Variants in ZNF521 observed in about 807,000 individuals in gnomAD.
ZNF521 encodes the protein LYST-interacting protein 3.
In ZNF521, 14 loss-of-function variants were observed where a neutral mutation model predicts 105.5. That is an observed-to-expected ratio of 0.13 (90% CI 0.09 to 0.21). ZNF521 has a LOEUF of 0.21. Ranked by LOEUF, ZNF521 falls within the 10% of genes least tolerant of loss-of-function variation. ZNF521 has a pLI of 1.00. For synonymous variants in ZNF521, 635 were observed against 606.0 expected (o/e 1.05, Z -0.70); for missense variants, 1,233 against 1,629.7 (o/e 0.76, Z 4.19).
At chr18:25,292,531 C>T (rs1600266784) in intron 3 of ZNF521, among the ~76,000 whole-genome samples, 1 of 152,094 alleles carries the variant, frequency 6.6e-6, no homozygotes, top group African/African-American at 2.4e-5. Context: ...CCTGACATGA[C>T]ACAAAAGTAG....
At chr18:25,229,006 A>G (rs1906359652) in intron 3 of ZNF521, among the ~76,000 whole-genome samples, 2 of 152,342 alleles carry the variant, frequency 1.3e-5, no homozygotes, top group South Asian at 4.1e-4. Context: ...TGTTTCAGTT[A>G]GAATAAGAGG....
chr18:25,233,543 T>C (rs1906674604), intron 3 of ZNF521, among the ~76,000 whole-genome samples: 1 of 152,160 alleles, frequency 6.6e-6, no homozygotes, highest in South Asian at 2.1e-4. Context: ...AACAGTTAGG[T>C]TATGAGGAAG....
intron 3 of ZNF521, among the ~76,000 whole-genome samples, chr18:25,268,889 A>C (rs181254496): frequency 3.7e-4 from 57 of 152,326 alleles, no homozygotes; most frequent in African/African-American, 1.3e-3. Flanking sequence ...CAAAATAACC[A>C]GTTAGCATCA....
At chr18:25,302,316 C>T (rs1234857674) in intron 3 of ZNF521, 1 of 152,174 alleles carries the variant, frequency 6.6e-6, no homozygotes, top group Non-Finnish European at 1.5e-5. Flanking sequence ...ACACAACAGC[C>T]CTTACCTAGG....
intron 7 of ZNF521, among the ~76,000 whole-genome samples, chr18:25,079,945 C>T (rs1019905762): frequency 6.6e-6 from 1 of 152,112 alleles, no homozygotes; most frequent in Admixed American, 6.5e-5. Flanking sequence ...GCAGATGTGC[C>T]CAGTGGTGTA....
intron 2 of ZNF521, among the ~76,000 whole-genome samples, chr18:25,348,641 G>C (rs1026386428): frequency 6.6e-6 from 1 of 152,112 alleles, no homozygotes; most frequent in Admixed American, 6.6e-5. Context: ...ACAGAATATG[G>C]AAGCTAAATC....
intron 4 of ZNF521, chr18:25,201,119 TACCAG>T (rs1480920381): frequency 6.6e-6 from 1 of 152,082 alleles, no homozygotes; most frequent in East Asian, 1.9e-4. Context: ...CAGGCTACTG[TACCAG>T]AGCTGGGTCT....
intron 2 of ZNF521, among the ~76,000 whole-genome samples, chr18:25,332,033 T>C (rs1913603676): frequency 6.6e-6 from 1 of 151,304 alleles, no homozygotes; most frequent in Non-Finnish European, 1.5e-5. Context: ...ACTAAACAGA[T>C]TTATTTCACC....
chr18:25,132,366 T>G (rs978795304), intron 5 of ZNF521, among the ~76,000 whole-genome samples: 3 of 152,204 alleles, frequency 2.0e-5, no homozygotes, highest in Non-Finnish European at 4.4e-5. Context: ...TGTTTAGGAA[T>G]AAAACATGAG....
chr18:25,293,011 G>A (rs1165354216), intron 3 of ZNF521, among the ~76,000 whole-genome samples: 2 of 152,022 alleles, frequency 1.3e-5, no homozygotes, highest in Non-Finnish European at 2.9e-5. Context: ...GATCTCCAAG[G>A]TCACTTCTGG....
chr18:25,311,647 A>C (rs1442789198), intron 3 of ZNF521, among the ~76,000 whole-genome samples: 2 of 152,148 alleles, frequency 1.3e-5, no homozygotes, highest in African/African-American at 4.8e-5. Flanking sequence ...ACTTCTCCAC[A>C]CGGACAAACT....
intron 2 of ZNF521, among the ~76,000 whole-genome samples, chr18:25,334,738 C>T (rs929021252): frequency 2.0e-5 from 3 of 152,112 alleles, no homozygotes; most frequent in Admixed American, 6.5e-5. Context: ...GCAAAGCAGC[C>T]GCAATACTGA....
rs367920218 is a variant in ZNF521, at chr18:25,139,099, G to A, written c.3659-47018C>T. ...AGTAATGCAAAAAGACGCTGGGCAC[G>A]GTGGCTCACGCCTGTAATCCCAGCA... On this transcript the variant is annotated intron_variant, in intron 5 of 7. Coordinates refer to ENST00000361524, the MANE Select transcript of ZNF521 (RefSeq NM_015461.3). Among the ~76,000 whole-genome samples the A allele has an allele frequency of 7.6e-4, 115 of 152,196 alleles. 1 individual carries two copies. Among genetic ancestry groups the A allele is most frequent in the African/African-American group, 2.6e-3 (107 of 41,536 alleles).
chr18:25,231,513 G>A (rs572846510), intron 3 of ZNF521: 1 of 152,392 alleles, frequency 6.6e-6, no homozygotes, highest in Non-Finnish European at 1.5e-5. Context: ...CCAACCTGGG[G>A]AGGAGGAAGC....
intron 5 of ZNF521, among the ~76,000 whole-genome samples, chr18:25,180,281 G>A (rs1252503005): frequency 6.6e-6 from 1 of 152,036 alleles, no homozygotes; most frequent in African/African-American, 2.4e-5. Flanking sequence ...TAAGCACCCT[G>A]GACATAGAAT....
chr18:25,349,353 T>A (rs1418680024), intron 2 of ZNF521, among the ~76,000 whole-genome samples: 1 of 152,146 alleles, frequency 6.6e-6, no homozygotes, highest in African/African-American at 2.4e-5. Context: ...TTTCAGGCCC[T>A]GGGTCTAGGT....
intron 5 of ZNF521, among the ~76,000 whole-genome samples, chr18:25,146,864 T>C (rs1008696915): frequency 6.6e-6 from 1 of 152,170 alleles, no homozygotes; most frequent in Admixed American, 6.5e-5. Context: ...AAACCCTTTA[T>C]ACCTAGATAC....
chr18:25,202,933 A>G (rs970607328), intron 4 of ZNF521: 2 of 152,188 alleles, frequency 1.3e-5, no homozygotes, highest in Admixed American at 6.6e-5. Flanking sequence ...CAATATTCTA[A>G]TTTGTATTCT....
intron 3 of ZNF521, among the ~76,000 whole-genome samples, chr18:25,254,470 T>C (rs964982088): frequency 6.6e-6 from 1 of 152,152 alleles, no homozygotes; most frequent in African/African-American, 2.4e-5. Flanking sequence ...CACCTATCTG[T>C]AGCCTAATAT....
Sources: allele counts gnomAD v4.1 joint callset (sites outside exome capture counted in the v4.1 genomes callset), GRCh38; gene constraint gnomAD v4.1.1; transcripts MANE v1.5; gene names NCBI Gene and HGNC (gene_info 2026-07-23, HGNC 2026-07-21).